The following CORIN variants were observed in gnomAD, a reference collection of about 807,000 sequenced individuals.
CORIN encodes the protein corin, serine peptidase.
In CORIN, 117 loss-of-function variants were observed where a neutral mutation model predicts 125.3. That is an observed-to-expected ratio of 0.93 (90% CI 0.80 to 1.09). The LOEUF is 1.09. Ranked by LOEUF, CORIN falls within the 50% of genes least tolerant of loss-of-function variation. The pLI is 0.00. For synonymous variants in CORIN, 450 were observed against 466.4 expected (o/e 0.96, Z 0.45); for missense variants, 1,253 against 1,306.7 (o/e 0.96, Z 0.63).
intron 12 of CORIN, among the ~76,000 whole-genome samples, chr4:47,660,211 A>G (rs1168794242): frequency 6.6e-6 from 1 of 152,240 alleles, no homozygotes; most frequent in Non-Finnish European, 1.5e-5. Context: ...ACTTAAACCT[A>G]TGACTTCAAA....
intron 10 of CORIN, among the ~76,000 whole-genome samples, chr4:47,666,903 C>A (rs1343695653): frequency 6.6e-6 from 1 of 152,120 alleles, no homozygotes; most frequent in Non-Finnish European, 1.5e-5. Flanking sequence ...ACATATTGAA[C>A]AAAATGCTAG....
intron 5 of CORIN, among the ~76,000 whole-genome samples, chr4:47,693,390 G>T (rs1293794092): frequency 6.6e-6 from 1 of 152,214 alleles, no homozygotes; most frequent in Non-Finnish European, 1.5e-5. Context: ...CACAATTTAT[G>T]TGGGGAGAAT....
chr4:47,695,714 T>C (rs747466254), intron 5 of CORIN, among the ~76,000 whole-genome samples: 7 of 152,258 alleles, frequency 4.6e-5, no homozygotes, highest in Non-Finnish European at 7.3e-5. Flanking sequence ...TTTATAAAAC[T>C]AGAATAACTT....
At chr4:47,717,235 C>A (rs913385831) in intron 5 of CORIN, among the ~76,000 whole-genome samples, 13 of 152,302 alleles carry the variant, frequency 8.5e-5, no homozygotes, top group African/African-American at 1.9e-4. Flanking sequence ...AGACAACTCA[C>A]GTATACGAAC....
chr4:47,622,582 G>C (rs1722366378), intron 19 of CORIN, among the ~76,000 whole-genome samples: 1 of 151,962 alleles, frequency 6.6e-6, no homozygotes, highest in African/African-American at 2.4e-5. Context: ...GTTGTGATTT[G>C]CATTTCTCTG....
intron 16 of CORIN, among the ~76,000 whole-genome samples, chr4:47,636,455 C>G (rs1723031652): frequency 6.6e-6 from 1 of 152,160 alleles, no homozygotes; most frequent in Non-Finnish European, 1.5e-5. Flanking sequence ...GTAGCAAAGT[C>G]AATATGCTGT....
chr4:47,703,428 T>G (rs1189946536), intron 5 of CORIN, among the ~76,000 whole-genome samples: 2 of 152,094 alleles, frequency 1.3e-5, no homozygotes, highest in African/African-American at 2.4e-5. Context: ...AACACCCTGA[T>G]ATCCACACTA....
At chr4:47,799,862 A>G (rs1014588798) in intron 2 of CORIN, among the ~76,000 whole-genome samples, 2 of 152,238 alleles carry the variant, frequency 1.3e-5, no homozygotes, top group African/African-American at 4.8e-5. Flanking sequence ...ATGTCTATCA[A>G]TTGACAAATG....
At position 47,786,731 on chromosome 4, in the gene CORIN, T is replaced by A. The variant is rs1345079132; in HGVS notation, c.403A>T (p.Asn135Tyr). 3 of 1,613,862 alleles carry A rather than the reference T, an allele frequency of 1.9e-6. No individual in the cohort carries two copies. Among genetic ancestry groups the A allele is most frequent in the Non-Finnish European group, 2.5e-6 (3 of 1,179,738 alleles). ...ASLPGDQSHR[N>Y]TSACMNITHS... is the part of the protein sequence containing the mutation. ...GTATCACCTTTGGACTTACTTGTATTCCTGTGACTTTGGTCCCCTGGGAGA... is the reference window on the plus strand; with the variant it reads ...GTATCACCTTTGGACTTACTTGTATACCTGTGACTTTGGTCCCCTGGGAGA... Residue 135 changes from asparagine (N) to tyrosine (Y), a missense_variant, in exon 3 of 22, where the codon AAT becomes TAT. Transcript: ENST00000273857.
intron 5 of CORIN, among the ~76,000 whole-genome samples, chr4:47,741,255 T>G (rs1728383130): frequency 6.6e-6 from 1 of 151,956 alleles, no homozygotes; most frequent in Non-Finnish European, 1.5e-5. Context: ...GCAACCTAAT[T>G]TTAAAATGGG....
intron 3 of CORIN, among the ~76,000 whole-genome samples, chr4:47,784,320 T>C (rs1277266542): frequency 6.6e-6 from 1 of 152,208 alleles, no homozygotes; most frequent in Non-Finnish European, 1.5e-5. Flanking sequence ...GAAAGACTAA[T>C]GCTAACTGTC....
intron 5 of CORIN, chr4:47,706,948 G>C (rs967982016): frequency 1.4e-5 from 23 of 1,598,534 alleles, no homozygotes; most frequent in Non-Finnish European, 1.8e-5. Context: ...GGGCAGCTTG[G>C]AGAAGGCGCA....
intron 11 of CORIN, among the ~76,000 whole-genome samples, chr4:47,662,266 C>G (rs1189657536): frequency 6.6e-6 from 1 of 152,110 alleles, no homozygotes; most frequent in Non-Finnish European, 1.5e-5. Flanking sequence ...ACACCCTCAT[C>G]CTCAGAGATC....
intron 4 of CORIN, among the ~76,000 whole-genome samples, chr4:47,753,643 T>C (rs993191179): frequency 6.6e-6 from 1 of 152,172 alleles, no homozygotes; most frequent in African/African-American, 2.4e-5. Flanking sequence ...CATCCGTTTA[T>C]AGGCTCTCTG....
At chr4:47,740,068 A>G (rs1272200774) in intron 5 of CORIN, among the ~76,000 whole-genome samples, 2 of 152,012 alleles carry the variant, frequency 1.3e-5, no homozygotes, top group Admixed American at 6.6e-5. Flanking sequence ...GCAAATACTT[A>G]TAATTACATT....
chr4:47,734,412 C>T (rs1325470204), intron 5 of CORIN, among the ~76,000 whole-genome samples: 1 of 152,210 alleles, frequency 6.6e-6, no homozygotes, highest in African/African-American at 2.4e-5. Flanking sequence ...CACCAGAACA[C>T]CTTCTTCCGT....
rs144093804 is a variant in CORIN, at chr4:47,685,798, T to C, written c.914-1960A>G. Among the ~76,000 whole-genome samples the C allele has an allele frequency of 1.7e-3, 251 of 151,838 alleles. 2 individuals are homozygous for C. Among genetic ancestry groups the C allele is most frequent in the African/African-American group, 5.4e-3 (224 of 41,396 alleles). ...AGTTTGCTTAAGGCTGGAGAAGGAA[T>C]ACAGAAAATAGGCGGAATTTCAATA... is the stretch of plus-strand genomic sequence containing the variant. On this transcript the variant is annotated intron_variant, in intron 6 of 21. Coordinates refer to ENST00000273857, the MANE Select transcript of CORIN (RefSeq NM_006587.4).
chr4:47,743,790 CAGG>C (rs1479616521), intron 5 of CORIN, among the ~76,000 whole-genome samples: 2 of 152,094 alleles, frequency 1.3e-5, no homozygotes, highest in Admixed American at 6.6e-5. Context: ...GAGGCTGAGG[CAGG>C]AGAATTGCTC....
chr4:47,792,278 A>G (rs1731114326), intron 2 of CORIN, among the ~76,000 whole-genome samples: 1 of 152,226 alleles, frequency 6.6e-6, no homozygotes, highest in Admixed American at 6.5e-5. Flanking sequence ...GAGACACCAG[A>G]CAGGATAGGT....
Sources: gnomAD v4.1 joint callset for allele counts (sites outside exome capture counted in the v4.1 genomes callset) on GRCh38, gnomAD v4.1.1 for gene constraint, MANE v1.5 for transcripts, NCBI Gene and HGNC (gene_info 2026-07-23, HGNC 2026-07-21) for gene names.